Variants in MDN1 observed in about 807,000 individuals in gnomAD.
The protein encoded by MDN1 is midasin AAA ATPase 1.
Under a neutral mutation model 669.2 loss-of-function variants are expected in MDN1, and 266 were observed. The ratio of observed to expected loss-of-function variants is 0.40; its 90% confidence interval spans 0.36 to 0.44. MDN1 has a LOEUF of 0.44. Among genes scored for constraint, MDN1 ranks in the 20% least tolerant of loss-of-function variants. MDN1 has a pLI of 1.00. For synonymous variants in MDN1, 2,385 were observed against 2,457.1 expected (o/e 0.97, Z 0.87); for missense variants, 5,940 against 6,754.0 (o/e 0.88, Z 4.22).
In MDN1 at chr6:89,706,164, A is replaced by T. The variant is rs2128310871; in HGVS notation, c.8043T>A (p.His2681Gln). The change falls in exon 53 of 102, where the codon CAT becomes CAA. Residue 2681 changes from histidine (H) to glutamine (Q), a missense_variant. This residue lies in a region of MDN1 where 2,292 missense variants were observed against 2,638.3 expected (regional missense o/e 0.87). Transcript: ENST00000369393. The part of the protein sequence containing the change: ...QDPESYHTLP[H>Q]EIVVNLAAFF... ...AAGCAGCAAGATTGACCACAATTTC[A>T]TGGGGCAGAGTGTGATAGCTTTCTG... 6.2e-7 allele frequency: 1 copy of T among 1,613,706 alleles called. No homozygotes were observed. The highest frequency in any genetic ancestry group is 1.6e-4 in the Middle Eastern group (1 of 6,062).
At chr6:89,782,980 C>T (rs181289040) in intron 9 of MDN1, among the ~76,000 whole-genome samples, 234 of 152,236 alleles carry the variant, frequency 1.5e-3, no homozygotes, top group African/African-American at 5.3e-3. Context: ...TGAGGATGTA[C>T]GTCACCTCAG....
At chr6:89,744,128 A>C (rs1816458175) in intron 29 of MDN1, among the ~76,000 whole-genome samples, 1 of 151,670 alleles carries the variant, frequency 6.6e-6, no homozygotes, top group African/African-American at 2.4e-5. Flanking sequence ...AAAAAAAAAA[A>C]AAACCACCAC....
At chr6:89,795,945 A>G (rs1819569340) in intron 2 of MDN1, among the ~76,000 whole-genome samples, 2 of 152,076 alleles carry the variant, frequency 1.3e-5, no homozygotes, top group South Asian at 4.1e-4. Flanking sequence ...ACACAGTGAG[A>G]TTCCGTCTCA....
chr6:89,715,566 A>C (rs1814305889), intron 45 of MDN1, 87 bp downstream of exon 45: 1 of 798,392 alleles, frequency 1.3e-6, no homozygotes, highest in Admixed American at 1.9e-5. Context: ...GTTTATAAAT[A>C]AAATATATAA....
chr6:89,655,555 T>G (rs888087589), intron 92 of MDN1, among the ~76,000 whole-genome samples: 1 of 152,222 alleles, frequency 6.6e-6, no homozygotes, highest in African/African-American at 2.4e-5. Flanking sequence ...ATTTCTTATG[T>G]TTACAAAGCC....
Position 89,650,031 on chromosome 6 carries a change from G to A in MDN1, c.16199C>T (p.Thr5400Ile), listed in dbSNP as rs757848323. Reference sequence around the variant, plus strand: ...TGCATTTCTCTTCCTTACCTGCTTGGTATGATTGTCTACCATACTAGAAGA... The same window carrying A: ...TGCATTTCTCTTCCTTACCTGCTTGATATGATTGTCTACCATACTAGAAGA... ...DDSSSMVDNH[T>I]KQLAFESLAV... Residue 5400 changes from threonine (T) to isoleucine (I), a missense_variant, in exon 97 of 102, where the codon ACC (threonine) becomes ATC (isoleucine). This residue lies in a region of MDN1 where 2,280 missense variants were observed against 2,576.3 expected (regional missense o/e 0.88). Coordinates refer to ENST00000369393, the MANE Select transcript of MDN1 (RefSeq NM_014611.3). The A allele has an allele frequency of 1.1e-5, 17 of 1,613,844 alleles. No individual in the cohort carries two copies. Among genetic ancestry groups the A allele is most frequent in the Non-Finnish European group, 1.4e-5 (17 of 1,179,982 alleles).
Position 89,732,537 on chromosome 6 carries a change from C to A in MDN1, c.4942+20G>T. 6.2e-7 allele frequency: 1 copy of A among 1,611,144 alleles called. No individual in the cohort carries two copies. Among genetic ancestry groups the A allele is most frequent in the Non-Finnish European group, 8.5e-7 (1 of 1,177,584 alleles). ...CCTCTATACGAGCCCCTTGTCCCCACCAGCTACCAGACAACATACCTGAAC... is the reference window on the plus strand; with the variant it reads ...CCTCTATACGAGCCCCTTGTCCCCAACAGCTACCAGACAACATACCTGAAC... On this transcript the variant is annotated intron_variant, in intron 34 of 101. Coordinates refer to ENST00000369393, the MANE Select transcript of MDN1 (RefSeq NM_014611.3).
chr6:89,734,110 C>T (rs1355414998), intron 33 of MDN1, among the ~76,000 whole-genome samples: 1 of 151,934 alleles, frequency 6.6e-6, no homozygotes, highest in Non-Finnish European at 1.5e-5. Flanking sequence ...CATGGTGAAA[C>T]CCCGTCTCTA....
chr6:89,814,153 A>G (rs1346463839), intron 1 of MDN1, among the ~76,000 whole-genome samples: 1 of 152,136 alleles, frequency 6.6e-6, no homozygotes, highest in African/African-American at 2.4e-5. Context: ...CATTCAGTCA[A>G]GTGCATTCTA....
At chr6:89,778,716 C>G (rs1488253653) in intron 11 of MDN1, among the ~76,000 whole-genome samples, 1 of 151,446 alleles carries the variant, frequency 6.6e-6, no homozygotes, top group Admixed American at 6.6e-5. Context: ...AACCCCATCT[C>G]TACTAAAAAT....
At chr6:89,739,870 T>TA (rs1171731647) in intron 32 of MDN1, among the ~76,000 whole-genome samples, 1 of 152,200 alleles carries the variant, frequency 6.6e-6, no homozygotes, top group Non-Finnish European at 1.5e-5. Flanking sequence ...AAGTGGACTG[T>TA]AAAAACAGAG....
chr6:89,734,687 A>ACG (rs1406204140), intron 33 of MDN1, among the ~76,000 whole-genome samples: 281 of 54,670 alleles, frequency 5.1e-3, no homozygotes, highest in East Asian at 0.034. Flanking sequence ...AAAAAAAAAA[A>ACG]AACAAGAGAG....
At chr6:89,668,965 G>A (rs1810450387) in intron 83 of MDN1, among the ~76,000 whole-genome samples, 1 of 152,154 alleles carries the variant, frequency 6.6e-6, no homozygotes, top group Non-Finnish European at 1.5e-5. Flanking sequence ...AATACAGTTT[G>A]GCTTACTTGC....
intron 40 of MDN1, among the ~76,000 whole-genome samples, chr6:89,721,789 T>G (rs993405630): frequency 6.6e-6 from 1 of 151,958 alleles, no homozygotes; most frequent in African/African-American, 2.4e-5. Flanking sequence ...TTTTAATAAA[T>G]TTTTGCAATC....
chr6:89,749,831 C>G, intron 24 of MDN1, 80 bp from the exon 25 acceptor site: 1 of 1,123,184 alleles, frequency 8.9e-7, no homozygotes, highest in East Asian at 2.5e-5. Flanking sequence ...ATCAACAAAT[C>G]CTAGGTTATC....
At chr6:89,773,629 A>G (rs891163570) in intron 13 of MDN1, among the ~76,000 whole-genome samples, 1 of 152,050 alleles carries the variant, frequency 6.6e-6, no homozygotes, top group African/African-American at 2.4e-5. Flanking sequence ...AGAGTGATAC[A>G]ACTACAAGCC....
At chr6:89,753,849 G>T (rs1050819588) in intron 21 of MDN1, among the ~76,000 whole-genome samples, 48 of 151,962 alleles carry the variant, frequency 3.2e-4, no homozygotes, top group African/African-American at 1.1e-3. Flanking sequence ...AGGAGTTCGA[G>T]ACCAGAGTGG....
chr6:89,802,110 G>C (rs374596771), intron 2 of MDN1, among the ~76,000 whole-genome samples: 4 of 152,320 alleles, frequency 2.6e-5, no homozygotes, highest in African/African-American at 9.6e-5. Context: ...AATTTTTTAT[G>C]AGACAGAACT....
intron 53 of MDN1, among the ~76,000 whole-genome samples, chr6:89,703,189 G>A (rs933286841): frequency 2.0e-5 from 3 of 151,934 alleles, no homozygotes; most frequent in African/African-American, 2.4e-5. Context: ...CACCCACCTC[G>A]GCCTCCCAAA....
Sources: allele counts gnomAD v4.1 joint callset (sites outside exome capture counted in the v4.1 genomes callset), GRCh38; gene constraint gnomAD v4.1.1; regional missense constraint gnomAD v4.1.1; transcripts MANE v1.5; gene names NCBI Gene and HGNC (gene_info 2026-07-23, HGNC 2026-07-21).